Variants in HTR4 observed in about 807,000 individuals in gnomAD.
The protein encoded by HTR4 is 5-hydroxytryptamine receptor 4, also known as 5-hydroxytryptamine (serotonin) receptor 4, G protein-coupled.
In HTR4, 16 loss-of-function variants were observed where a neutral mutation model predicts 36.8. The observed-to-expected ratio is 0.43, with a 90% CI of 0.29 to 0.66. HTR4 has a LOEUF of 0.66. Ranked by LOEUF, HTR4 falls within the 30% of genes least tolerant of loss-of-function variation. The pLI is 0.13. For synonymous variants in HTR4, 189 were observed against 185.1 expected, an observed-to-expected ratio of 1.02 and a Z score of -0.17; for missense variants, 438 against 490.9, an observed-to-expected ratio of 0.89 and a Z score of 1.02.
intron 5 of HTR4, among the ~76,000 whole-genome samples, chr5:148,457,894 T>A (rs892378706): frequency 7.7e-6 from 1 of 130,228 alleles, no homozygotes; most frequent in Non-Finnish European, 1.5e-5. Context: ...TAAAATATAT[T>A]ATATTTTAAT....
intron 2 of HTR4, among the ~76,000 whole-genome samples, chr5:148,622,439 A>G (rs1163726456): frequency 6.6e-6 from 1 of 152,178 alleles, no homozygotes; most frequent in African/African-American, 2.4e-5. Context: ...CCCAACCTAC[A>G]AGAAACACTG....
intron 2 of HTR4, among the ~76,000 whole-genome samples, chr5:148,560,867 TA>T (rs1354725430): frequency 6.6e-6 from 1 of 152,076 alleles, no homozygotes; most frequent in African/African-American, 2.4e-5. Context: ...ATATTTCCTT[TA>T]AAAAAACACA....
At chr5:148,574,469 C>T (rs776286880) in intron 2 of HTR4, among the ~76,000 whole-genome samples, 4 of 151,964 alleles carry the variant, frequency 2.6e-5, no homozygotes, top group Admixed American at 6.6e-5. Context: ...CTTCAGTTGT[C>T]AAAAGCTTTC....
chr5:148,460,507 A>G (rs1251927213), intron 5 of HTR4, among the ~76,000 whole-genome samples: 1 of 152,152 alleles, frequency 6.6e-6, no homozygotes, highest in Non-Finnish European at 1.5e-5. Flanking sequence ...TGAGAGGAAA[A>G]AAAAATGGCA....
At chr5:148,586,935 T>C (rs1761369694) in intron 2 of HTR4, among the ~76,000 whole-genome samples, 1 of 152,094 alleles carries the variant, frequency 6.6e-6, no homozygotes, top group Non-Finnish European at 1.5e-5. Flanking sequence ...CCATCACAGA[T>C]TTTCTTTTTC....
chr5:148,533,342 G>T (rs1461679827), intron 4 of HTR4, among the ~76,000 whole-genome samples: 1 of 152,184 alleles, frequency 6.6e-6, no homozygotes, highest in Non-Finnish European at 1.5e-5. Context: ...CATTTCAAAA[G>T]TATTGCTCAT....
chr5:148,622,658 A>G (rs1233996047), intron 2 of HTR4, among the ~76,000 whole-genome samples: 1 of 152,176 alleles, frequency 6.6e-6, no homozygotes, highest in Non-Finnish European at 1.5e-5. Context: ...TATCTTTTAT[A>G]CCTCTCAAAT....
At chr5:148,623,341 A>G (rs1752980412) in intron 2 of HTR4, among the ~76,000 whole-genome samples, 1 of 152,168 alleles carries the variant, frequency 6.6e-6, no homozygotes, top group Non-Finnish European at 1.5e-5. Flanking sequence ...CCGGTAGCCA[A>G]GGCCTCTCCA....
At chr5:148,503,431 CA>C (rs1204627580) in intron 6 of HTR4, among the ~76,000 whole-genome samples, 3 of 152,114 alleles carry the variant, frequency 2.0e-5, no homozygotes, top group Non-Finnish European at 4.4e-5. Flanking sequence ...ACTTTACAGA[CA>C]AGCAAATGCT....
intron 2 of HTR4, among the ~76,000 whole-genome samples, chr5:148,566,892 CA>C (rs1760463920): frequency 6.6e-6 from 1 of 151,544 alleles, no homozygotes; most frequent in Non-Finnish European, 1.5e-5. Flanking sequence ...ATTATTTCTT[CA>C]TTTTTTTTTT....
intron 2 of HTR4, among the ~76,000 whole-genome samples, chr5:148,559,894 C>A (rs1177693566): frequency 6.6e-6 from 1 of 152,066 alleles, no homozygotes. Flanking sequence ...CTTTTTTACT[C>A]CCCTGCCTGT....
chr5:148,534,885 G>T (rs1758738741), intron 4 of HTR4, among the ~76,000 whole-genome samples: 1 of 152,070 alleles, frequency 6.6e-6, no homozygotes, highest in Admixed American at 6.5e-5. Flanking sequence ...GTGGAGGAAG[G>T]AATATGAATA....
downstream of HTR4, among the ~76,000 whole-genome samples, chr5:148,481,276 G>T (rs1755869617): frequency 6.6e-6 from 1 of 152,212 alleles, no homozygotes; most frequent in Non-Finnish European, 1.5e-5. Context: ...AAAAATCAAA[G>T]GGGATTGGTC....
At chr5:148,628,513 C>T (rs1753204848) in intron 2 of HTR4, 2 of 152,154 alleles carry the variant, frequency 1.3e-5, no homozygotes, top group African/African-American at 4.8e-5. Context: ...GGTTGAGTGA[C>T]ATTTTAATCT....
intron 1 of HTR4, among the ~76,000 whole-genome samples, chr5:148,647,042 G>T (rs997277811): frequency 1.3e-4 from 20 of 152,082 alleles, no homozygotes; most frequent in African/African-American, 4.8e-4. Context: ...TTTAACTAAG[G>T]CTCAATTTTG....
At chr5:148,541,201 T>A (rs1759100653) in intron 4 of HTR4, among the ~76,000 whole-genome samples, 2 of 152,162 alleles carry the variant, frequency 1.3e-5, no homozygotes, top group Non-Finnish European at 2.9e-5. Context: ...AAGCTGTGAC[T>A]GAATCTAAGC....
intron 2 of HTR4, among the ~76,000 whole-genome samples, chr5:148,595,983 C>T (rs890431950): frequency 6.6e-6 from 1 of 152,220 alleles, no homozygotes; most frequent in Non-Finnish European, 1.5e-5. Context: ...AGACACCAAT[C>T]AGCATCCCAC....
At chr5:148,651,368 A>AC (rs1204723035) in intron 1 of HTR4, among the ~76,000 whole-genome samples, 1 of 152,136 alleles carries the variant, frequency 6.6e-6, no homozygotes, top group Non-Finnish European at 1.5e-5. Context: ...CACCACAGCA[A>AC]TTCATCTATT....
intron 6 of HTR4, among the ~76,000 whole-genome samples, chr5:148,500,346 C>A (rs1355526792): frequency 6.6e-6 from 1 of 151,864 alleles, no homozygotes. Flanking sequence ...GAGCCAAGTC[C>A]TGAAGAACTC....
Sources: allele counts gnomAD v4.1 joint callset (sites outside exome capture counted in the v4.1 genomes callset), GRCh38; gene constraint gnomAD v4.1.1; transcripts MANE v1.5; gene names NCBI Gene and HGNC (gene_info 2026-07-23, HGNC 2026-07-21).